Variants in ANKRD30A observed in about 807,000 individuals in gnomAD.
ANKRD30A encodes the protein ankyrin repeat domain 30A.
A neutral mutation model predicts 166.3 loss-of-function variants in ANKRD30A; 170 were observed. The ratio of observed to expected loss-of-function variants is 1.02; its 90% CI spans 0.90 to 1.16. The LOEUF is 1.16. ANKRD30A is among the 50% of genes most tolerant of loss of function. ANKRD30A has a pLI of 0.00. For synonymous variants in ANKRD30A, 564 were observed against 508.9 expected (o/e 1.11, Z -1.46); for missense variants, 1,630 against 1,518.0 (o/e 1.07, Z -1.23).
rs1475700235 is a variant in ANKRD30A, at chr10:37,177,597, G to T, written c.2421+1379G>T. The T allele has an allele frequency of 6.0e-6, 3 of 498,508 alleles. No homozygotes were observed. The African/African-American group carries it at 6.2e-5, about 10-fold the overall frequency. 30.9% of individuals were successfully genotyped at this position (498,508 alleles called of 1,614,324 possible). Reference sequence around the variant, plus strand: ...GTGTTTTTAAAAAAGAATTTAATTAGGAAATTTTGATACTCTTCATTACTA... The same window carrying T: ...GTGTTTTTAAAAAAGAATTTAATTATGAAATTTTGATACTCTTCATTACTA... On this transcript the variant is annotated intron_variant, in intron 24 of 35. Transcript: ENST00000361713.
rs1278293690 is a variant in ANKRD30A, at chr10:37,149,646, T to C, written c.1544-5T>C. On this transcript the variant is annotated splice_polypyrimidine_tract_variant and splice_region_variant and intron_variant, in intron 9 of 35. Transcript: ENST00000361713. The stretch of plus-strand genomic sequence containing the variant: ...GATTGATGATAAATCTCTTTTGCTT[T>C]TTAGAGCCTCCTAAGAAGCCATCTG... 1 of 1,611,764 alleles carries C rather than the reference T, an allele frequency of 6.2e-7. No individual in the cohort carries two copies. The highest frequency in any genetic ancestry group is 8.5e-7 in the Non-Finnish European group (1 of 1,178,444).
chr10:37,167,811 T>G (rs1839480625), intron 19 of ANKRD30A, among the ~76,000 whole-genome samples: 1 of 148,634 alleles, frequency 6.7e-6, no homozygotes, highest in African/African-American at 2.5e-5. Flanking sequence ...ATAACACTTT[T>G]TCTGATGAGA....
At chr10:37,260,910 G>GA in the ANKRD30A span, among the ~76,000 whole-genome samples, 1 of 151,820 alleles carries the variant, frequency 6.6e-6, no homozygotes, top group Non-Finnish European at 1.5e-5. Flanking sequence ...GGGAGGGAGA[G>GA]AAAAAAGGGT....
the ANKRD30A span, among the ~76,000 whole-genome samples, chr10:37,265,065 G>A: frequency 6.6e-6 from 1 of 152,192 alleles, no homozygotes; most frequent in African/African-American, 2.4e-5. Flanking sequence ...TGAGTCATCT[G>A]TGGAAGTTAA....
chr10:37,153,210 T>A (rs574296609), intron 12 of ANKRD30A, among the ~76,000 whole-genome samples: 2 of 152,320 alleles, frequency 1.3e-5, no homozygotes, highest in South Asian at 4.1e-4. Context: ...AGCAAATGTG[T>A]TGTATTTTGT....
rs1234927872 is a variant in ANKRD30A at position 37,130,359 on chromosome 10, T to C, written c.491T>C (p.Val164Ala). 3.3e-6 allele frequency: 5 copies of C among 1,523,982 alleles called. No individual in the cohort carries two copies. The highest frequency in any genetic ancestry group is 3.5e-6 in the Non-Finnish European group (4 of 1,134,454). The allele number at this position is 1,523,982 out of a possible 1,614,324, so 94.4% of individuals were successfully genotyped here. Residue 164 changes from valine to alanine, a missense_variant, in exon 3 of 36, where the codon GTC becomes GCC. By Grantham distance (64) the Val-to-Ala change is moderately conservative. Around this residue, in one of 4 missense-constraint regions of ANKRD30A, gnomAD observed 904 missense variants for 818.5 expected, o/e 1.10. Coordinates refer to ENST00000361713, the MANE Select transcript of ANKRD30A (RefSeq NM_052997.3). Reference sequence around the variant, plus strand: ...GCAAAACTGCTGTCCCATGGTGCAGTCATCGAAGTGCACAACAAGGTAGAC... The same window carrying C: ...GCAAAACTGCTGTCCCATGGTGCAGCCATCGAAGTGCACAACAAGGTAGAC... ...VVAKLLSHGA[V>A]IEVHNKASLT...
At chr10:37,190,687 T>C (rs1276448851) in intron 25 of ANKRD30A, among the ~76,000 whole-genome samples, 1 of 151,736 alleles carries the variant, frequency 6.6e-6, no homozygotes, top group Non-Finnish European at 1.5e-5. Flanking sequence ...TTCGGAAGCA[T>C]TTAGAAAAGT....
the ANKRD30A span, among the ~76,000 whole-genome samples, chr10:37,257,390 C>T: frequency 1.3e-5 from 2 of 148,864 alleles, no homozygotes; most frequent in African/African-American, 2.4e-5. Flanking sequence ...TTTTGTGTCT[C>T]TGTCTCCTTC....
At chr10:37,155,347 A>T (rs1351409592) in intron 13 of ANKRD30A, among the ~76,000 whole-genome samples, 1 of 152,314 alleles carries the variant, frequency 6.6e-6, no homozygotes, top group Admixed American at 6.5e-5. Context: ...CTATTATAGC[A>T]TATGGTTATA....
intron 19 of ANKRD30A, 53 bp downstream of exon 19, chr10:37,166,748 G>A (rs950880446): frequency 6.2e-7 from 1 of 1,607,326 alleles, no homozygotes. Context: ...TCTCTAAACT[G>A]ATGAGGAAGG....
intron 34 of ANKRD30A, among the ~76,000 whole-genome samples, chr10:37,222,241 C>T (rs994393542): frequency 6.6e-6 from 1 of 151,172 alleles, no homozygotes; most frequent in African/African-American, 2.4e-5. Context: ...ATCTCTTAGT[C>T]ATCACCACCG....
intron 27 of ANKRD30A, among the ~76,000 whole-genome samples, chr10:37,195,320 G>C (rs1465578972): frequency 2.0e-5 from 3 of 152,100 alleles, no homozygotes; most frequent in African/African-American, 7.2e-5. Flanking sequence ...GTTGGTTACA[G>C]ATTCATTCTG....
At chr10:37,250,316 G>T in the ANKRD30A span, among the ~76,000 whole-genome samples, 1 of 152,062 alleles carries the variant, frequency 6.6e-6, no homozygotes, top group South Asian at 2.1e-4. Flanking sequence ...GGCCATACAG[G>T]TCAGGGAGGT....
intron 11 of ANKRD30A, among the ~76,000 whole-genome samples, chr10:37,150,320 T>TTG (rs551224606): frequency 1.9e-4 from 29 of 151,442 alleles, no homozygotes; most frequent in Non-Finnish European, 5.9e-5. Flanking sequence ...CTCTGTGTGT[T>TTG]TGTGTGTGTG....
chr10:37,258,933 A>C, the ANKRD30A span, among the ~76,000 whole-genome samples: 1 of 141,388 alleles, frequency 7.1e-6, no homozygotes. Context: ...ACTGCACCCT[A>C]GCCTGGGTGA....
chr10:37,136,589 T>C lies in ANKRD30A; in HGVS notation c.756-18T>C. 8.5e-7 allele frequency: 1 copy of C among 1,175,634 alleles called. No individual in the cohort carries two copies. The highest frequency in any genetic ancestry group is 1.2e-6 in the Non-Finnish European group (1 of 831,718). The allele number at this position is 1,175,634 out of a possible 1,614,324, so 72.8% of individuals were successfully genotyped here. The stretch of plus-strand genomic sequence containing the variant: ...AGTGTTAAAATGGTAATTTTATTTA[T>C]CACATTTTTATACATAGCATTCATG... On this transcript the variant is annotated intron_variant, in intron 5 of 35. Coordinates refer to ENST00000361713, the MANE Select transcript of ANKRD30A (RefSeq NM_052997.3).
intron 13 of ANKRD30A, among the ~76,000 whole-genome samples, chr10:37,154,045 G>C (rs1433894983): frequency 1.3e-5 from 2 of 152,078 alleles, no homozygotes; most frequent in Non-Finnish European, 1.5e-5. Flanking sequence ...GGAAAAGATT[G>C]GGTATTGTTA....
At chr10:37,195,919 G>T (rs1841048013) in intron 27 of ANKRD30A, among the ~76,000 whole-genome samples, 1 of 152,040 alleles carries the variant, frequency 6.6e-6, no homozygotes, top group South Asian at 2.1e-4. Context: ...GCATTATATT[G>T]CTTTTATTTC....
chr10:37,183,584 T>A (rs1249117079), intron 24 of ANKRD30A, among the ~76,000 whole-genome samples: 1 of 147,142 alleles, frequency 6.8e-6, no homozygotes, highest in East Asian at 2.0e-4. Flanking sequence ...TCATTCTGTG[T>A]CTCATGGCAC....
Sources: allele counts gnomAD v4.1 joint callset (sites outside exome capture counted in the v4.1 genomes callset), GRCh38; gene constraint gnomAD v4.1.1; regional missense constraint gnomAD v4.1.1; transcripts MANE v1.5; gene names NCBI Gene and HGNC (gene_info 2026-07-23, HGNC 2026-07-21).